Variants in NUBPL observed in about 807,000 individuals in gnomAD.
The protein encoded by NUBPL is NUBP iron-sulfur cluster assembly factor, mitochondrial.
In NUBPL, 31 loss-of-function variants were observed where a neutral mutation model predicts 45.7. The observed-to-expected ratio is 0.68, with a 90% CI of 0.51 to 0.92. The LOEUF (loss-of-function observed/expected upper bound fraction) is 0.92. NUBPL is among the 40% of genes least tolerant of loss of function. NUBPL has a pLI of 0.00. For synonymous variants in NUBPL, 144 were observed against 140.9 expected, an observed-to-expected ratio of 1.02 and a Z score of -0.15; for missense variants, 401 against 398.7, an observed-to-expected ratio of 1.01 and a Z score of -0.05.
intron 6 of NUBPL, among the ~76,000 whole-genome samples, chr14:31,707,183 A>G (rs542924325): frequency 8.5e-5 from 13 of 152,276 alleles, no homozygotes; most frequent in African/African-American, 2.9e-4. Context: ...CTGTTAGGAA[A>G]CCTGCTGGGT....
chr14:31,776,957 G>C (rs1360500804), intron 6 of NUBPL, among the ~76,000 whole-genome samples: 3 of 152,158 alleles, frequency 2.0e-5, no homozygotes, highest in African/African-American at 7.2e-5. Context: ...AGAGAACAAG[G>C]GAAAGAAATC....
chr14:31,765,641 T>C (rs1273184248), intron 6 of NUBPL, among the ~76,000 whole-genome samples: 10 of 152,138 alleles, frequency 6.6e-5, no homozygotes, highest in Non-Finnish European at 1.2e-4. Context: ...CAGGTTTTTT[T>C]TTTTTTGCCT....
At chr14:31,846,316 G>A (rs1465911737) in intron 8 of NUBPL, 155 bp from the exon 9 acceptor site, 1 of 668,610 alleles carries the variant, frequency 1.5e-6, no homozygotes, top group Non-Finnish European at 2.7e-6. Flanking sequence ...ACTAGCTCAT[G>A]AGTTCCTTCA....
intron 6 of NUBPL, among the ~76,000 whole-genome samples, chr14:31,764,104 T>G (rs1185356398): frequency 1.3e-5 from 2 of 152,156 alleles, no homozygotes; most frequent in African/African-American, 4.8e-5. Flanking sequence ...AATTATTTTT[T>G]CTTCTATTTC....
intron 4 of NUBPL, among the ~76,000 whole-genome samples, chr14:31,634,439 T>C (rs1223739873): frequency 6.6e-6 from 1 of 152,156 alleles, no homozygotes; most frequent in East Asian, 1.9e-4. Context: ...TATGGCTGCA[T>C]AGTATTCCAT....
intron 4 of NUBPL, among the ~76,000 whole-genome samples, chr14:31,610,772 A>G (rs1446348817): frequency 6.6e-6 from 1 of 152,198 alleles, no homozygotes; most frequent in Non-Finnish European, 1.5e-5. Flanking sequence ...AGGATGGTTC[A>G]GCACAAGCAA....
chr14:31,615,743 G>A (rs946650547), intron 4 of NUBPL, among the ~76,000 whole-genome samples: 3 of 152,176 alleles, frequency 2.0e-5, no homozygotes, highest in Admixed American at 1.3e-4. Context: ...TGTGAACAGT[G>A]CTGCAATAAA....
At position 31,860,115 on chromosome 14, in the gene NUBPL, C is replaced by G. The variant is rs1225580966; in HGVS notation, c.*935C>G. On this transcript the variant is annotated 3_prime_UTR_variant, in exon 11 of 11. Coordinates refer to ENST00000281081, the MANE Select transcript of NUBPL (RefSeq NM_025152.3). The stretch of plus-strand genomic sequence containing the variant: ...GTCAGGAGTTCAAGACCAGCCTGAC[C>G]AACATGGTGAAACCCCGTCTCTACT... The G allele has an allele frequency of 6.6e-6, 1 of 151,744 alleles. No homozygotes were observed. Among genetic ancestry groups the G allele is most frequent in the Non-Finnish European group, 1.5e-5 (1 of 67,988 alleles). 9.4% of individuals were successfully genotyped at this position (151,744 alleles called of 1,614,324 possible).
intron 4 of NUBPL, among the ~76,000 whole-genome samples, chr14:31,603,420 T>C (rs1216814211): frequency 6.6e-6 from 1 of 152,048 alleles, no homozygotes; most frequent in Admixed American, 6.5e-5. Context: ...TGATAATGAG[T>C]ATAAAATTGA....
At chr14:31,572,573 AG>A (rs904991706) in intron 3 of NUBPL, among the ~76,000 whole-genome samples, 2 of 152,200 alleles carry the variant, frequency 1.3e-5, no homozygotes, top group African/African-American at 4.8e-5. Flanking sequence ...CAGATTTGAA[AG>A]TATTAAGTGT....
intron 4 of NUBPL, among the ~76,000 whole-genome samples, chr14:31,632,257 G>A (rs1174192207): frequency 6.6e-6 from 1 of 152,180 alleles, no homozygotes; most frequent in Non-Finnish European, 1.5e-5. Context: ...GAAGAGTTGG[G>A]GGGAAGGAGT....
intron 6 of NUBPL, among the ~76,000 whole-genome samples, chr14:31,749,496 G>A (rs2038474895): frequency 6.6e-6 from 1 of 152,022 alleles, no homozygotes. Context: ...AGTTTATTTT[G>A]TTTTCACAGT....
At chr14:31,689,310 C>T (rs1003753461) in intron 6 of NUBPL, among the ~76,000 whole-genome samples, 8 of 141,294 alleles carry the variant, frequency 5.7e-5, no homozygotes, top group Admixed American at 2.8e-4. Context: ...GTTCCCTTTT[C>T]CCCCCACCCT....
chr14:31,839,934 C>G (rs1380720452), intron 8 of NUBPL, among the ~76,000 whole-genome samples: 1 of 152,046 alleles, frequency 6.6e-6, no homozygotes, highest in Admixed American at 6.5e-5. Flanking sequence ...CCCCTCATAC[C>G]TGTTAGAATA....
At chr14:31,719,573 T>C (rs1297215187) in intron 6 of NUBPL, among the ~76,000 whole-genome samples, 2 of 152,170 alleles carry the variant, frequency 1.3e-5, no homozygotes, top group Admixed American at 1.3e-4. Flanking sequence ...TCTGGTCCTG[T>C]CACTTCCCAC....
rs116463649 is a variant in NUBPL at position 31,577,316 on chromosome 14, T to G, written c.291+12268T>G. Among the ~76,000 whole-genome samples the G allele has an allele frequency of 4.2e-3, 636 of 152,350 alleles. 2 individuals carry two copies. The highest frequency in any genetic ancestry group is 0.014 in the African/African-American group (584 of 41,576). On this transcript the variant is annotated intron_variant, in intron 3 of 10. Coordinates refer to ENST00000281081, the MANE Select transcript of NUBPL (RefSeq NM_025152.3). ...TCCATAACCTCTTAATTGGTCTGTTTAATCTCATCCACCTTGAATTAAATA... is the reference window on the plus strand; with the variant it reads ...TCCATAACCTCTTAATTGGTCTGTTGAATCTCATCCACCTTGAATTAAATA...
chr14:31,605,754 T>TCCTC (rs1381743302), intron 4 of NUBPL, among the ~76,000 whole-genome samples: 1 of 150,882 alleles, frequency 6.6e-6, no homozygotes, highest in Non-Finnish European at 1.5e-5. Context: ...CTTCCTTCCT[T>TCCTC]CCTCCTTCTC....
At chr14:31,652,471 G>C (rs1334054822) in intron 4 of NUBPL, among the ~76,000 whole-genome samples, 1 of 152,050 alleles carries the variant, frequency 6.6e-6, no homozygotes, top group Non-Finnish European at 1.5e-5. Context: ...AAATTGACAA[G>C]CTTATATTAA....
At chr14:31,817,414 AG>A (rs2039940299) in intron 7 of NUBPL, among the ~76,000 whole-genome samples, 1 of 152,182 alleles carries the variant, frequency 6.6e-6, no homozygotes, top group African/African-American at 2.4e-5. Flanking sequence ...AAAAATGTTA[AG>A]GGCAGCCAGA....
Sources: gnomAD v4.1 joint callset for allele counts (sites outside exome capture counted in the v4.1 genomes callset) on GRCh38, gnomAD v4.1.1 for gene constraint, MANE v1.5 for transcripts, NCBI Gene and HGNC (gene_info 2026-07-23, HGNC 2026-07-21) for gene names.